LRP1B: variants seen among roughly 807,000 people sequenced by gnomAD.
LRP1B encodes low-density lipoprotein receptor-related protein 1B.
A neutral mutation model predicts 556.6 loss-of-function variants in LRP1B; 217 were observed. That is an observed-to-expected ratio of 0.39 (90% CI 0.35 to 0.44). The LOEUF (loss-of-function observed/expected upper bound fraction) is 0.44, where lower values mean the gene tolerates loss of function less well. Ranked by LOEUF, LRP1B falls within the 20% of genes least tolerant of loss-of-function variation. The pLI is 1.00. For synonymous variants in LRP1B, 2,047 were observed against 1,865.8 expected (o/e 1.10, Z -2.50); for missense variants, 5,053 against 5,620.8 (o/e 0.90, Z 3.23).
At chr2:140,437,219 G>A (rs1454555975) in intron 66 of LRP1B, among the ~76,000 whole-genome samples, 1 of 152,128 alleles carries the variant, frequency 6.6e-6, no homozygotes, top group East Asian at 1.9e-4. Flanking sequence ...GACGAATGAG[G>A]TTCCAGAGAC....
At chr2:140,326,423 A>G (rs1441229053) in intron 79 of LRP1B, among the ~76,000 whole-genome samples, 1 of 147,376 alleles carries the variant, frequency 6.8e-6, no homozygotes, top group Non-Finnish European at 1.5e-5. Context: ...GCTGAAGTTA[A>G]TGTGACTAAA....
chr2:140,999,346 A>G (rs1254651685), intron 15 of LRP1B, among the ~76,000 whole-genome samples: 1 of 152,034 alleles, frequency 6.6e-6, no homozygotes, highest in Non-Finnish European at 1.5e-5. Flanking sequence ...GTATAGACAA[A>G]ATCCTCTTTC....
intron 84 of LRP1B, among the ~76,000 whole-genome samples, chr2:140,291,719 T>C (rs1054717331): frequency 2.4e-4 from 37 of 152,108 alleles, no homozygotes; most frequent in Admixed American, 1.8e-3. Flanking sequence ...TTGTTGGTCA[T>C]TTGGGTTGGT....
chr2:140,564,039 TCTC>T (rs2105085740), intron 43 of LRP1B, among the ~76,000 whole-genome samples: 1 of 152,276 alleles, frequency 6.6e-6, no homozygotes, highest in South Asian at 2.1e-4. Context: ...ATAATTTATC[TCTC>T]CTCTGATAGT....
intron 1 of LRP1B, among the ~76,000 whole-genome samples, chr2:142,074,068 G>C (rs1306749366): frequency 6.6e-6 from 1 of 151,874 alleles, no homozygotes; most frequent in East Asian, 1.9e-4. Context: ...CTTCATTCTT[G>C]CCACTCTCCT....
At chr2:140,534,208 C>A in intron 46 of LRP1B, 68 bp from the exon 47 acceptor site, 2 of 1,404,240 alleles carry the variant, frequency 1.4e-6, no homozygotes, top group Non-Finnish European at 2.0e-6. Context: ...ATGAAAATCA[C>A]AGATAATATT....
At chr2:141,750,045 T>C (rs1188493500) in intron 2 of LRP1B, among the ~76,000 whole-genome samples, 2 of 152,036 alleles carry the variant, frequency 1.3e-5, no homozygotes, top group African/African-American at 4.8e-5. Flanking sequence ...AGCCAGTGAG[T>C]GCTCAGTGAG....
At chr2:141,288,809 T>C (rs189345172) in intron 3 of LRP1B, among the ~76,000 whole-genome samples, 33 of 152,336 alleles carry the variant, frequency 2.2e-4, no homozygotes, top group African/African-American at 7.2e-4. Flanking sequence ...TGTATTCTTA[T>C]GGTCTGCCTC....
chr2:140,563,281 G>C (rs1432759736), intron 43 of LRP1B, among the ~76,000 whole-genome samples: 1 of 152,074 alleles, frequency 6.6e-6, no homozygotes, highest in Admixed American at 6.6e-5. Flanking sequence ...TTATTAAAGT[G>C]ATAGTTGGAG....
chr2:141,065,264 T>G (rs1699448519), intron 7 of LRP1B, among the ~76,000 whole-genome samples: 1 of 151,894 alleles, frequency 6.6e-6, no homozygotes, highest in African/African-American at 2.4e-5. Flanking sequence ...TCCTAAACAC[T>G]TCAGCATCCA....
At chr2:141,812,648 A>G (rs1188933160) in intron 1 of LRP1B, among the ~76,000 whole-genome samples, 1 of 152,154 alleles carries the variant, frequency 6.6e-6, no homozygotes, top group East Asian at 1.9e-4. Context: ...CTTGATTGCC[A>G]TTAGAAGTAT....
At chr2:142,116,023 G>T (rs6707007) in intron 1 of LRP1B, among the ~76,000 whole-genome samples, 2 of 140,848 alleles carry the variant, frequency 1.4e-5, no homozygotes, top group Non-Finnish European at 3.0e-5. Context: ...GTGGGAGCAG[G>T]CGGCCAACAT....
intron 7 of LRP1B, among the ~76,000 whole-genome samples, chr2:141,184,632 C>T (rs1681160087): frequency 6.6e-6 from 1 of 150,376 alleles, no homozygotes; most frequent in East Asian, 2.0e-4. Flanking sequence ...TTTTCCATTA[C>T]TTCAGATGTT....
rs60606622 is a variant in LRP1B, at chr2:141,016,166, C to T, written c.1971-251G>A. 9.0e-3 allele frequency among the ~76,000 whole-genome samples: 1,374 copies of T among 152,162 alleles called. 21 individuals are homozygous for T. Among genetic ancestry groups the T allele is most frequent in the African/African-American group, 0.032 (1,326 of 41,522 alleles). ...CCACCACTATCGCACTTACTGGCTT[C>T]ATGCATTAATGAACCTGACAGTAAG... On this transcript the variant is annotated intron_variant, in intron 12 of 90. Transcript: ENST00000389484.
chr2:141,311,560 T>C (rs1686816266), intron 3 of LRP1B, among the ~76,000 whole-genome samples: 1 of 152,188 alleles, frequency 6.6e-6, no homozygotes, highest in African/African-American at 2.4e-5. Flanking sequence ...CAATTTCATA[T>C]GCTGTCAGTA....
chr2:140,783,508 C>G (rs182658361), intron 32 of LRP1B, among the ~76,000 whole-genome samples: 249 of 123,448 alleles, frequency 2.0e-3, no homozygotes, highest in Non-Finnish European at 3.1e-3. Flanking sequence ...TAAGGCTACA[C>G]AGATGAAGAA....
intron 35 of LRP1B, among the ~76,000 whole-genome samples, chr2:140,743,993 T>TAAAAAAAAAAAAAAAAAAAA (rs1297190080): frequency 2.8e-4 from 2 of 7,174 alleles, no homozygotes; most frequent in Non-Finnish European, 7.4e-4. Context: ...AAAAAAAAAG[T>TAAAAAAAAAAAAAAAAAAAA]AAAAAGTAAA....
intron 6 of LRP1B, among the ~76,000 whole-genome samples, chr2:141,211,351 G>T (rs1382253981): frequency 6.6e-6 from 1 of 151,252 alleles, no homozygotes; most frequent in Non-Finnish European, 1.5e-5. Context: ...GCCGGGCACG[G>T]TGCCTCATGC....
At chr2:141,411,645 T>C (rs1386637114) in intron 3 of LRP1B, among the ~76,000 whole-genome samples, 1 of 152,144 alleles carries the variant, frequency 6.6e-6, no homozygotes, top group Non-Finnish European at 1.5e-5. Context: ...CGTGCGTGTG[T>C]GTCTGTGTAT....
Sources: allele counts gnomAD v4.1 joint callset (sites outside exome capture counted in the v4.1 genomes callset), GRCh38; gene constraint gnomAD v4.1.1; transcripts MANE v1.5; gene names NCBI Gene and HGNC (gene_info 2026-07-23, HGNC 2026-07-21).